Variants in PAK6 observed in about 807,000 individuals in gnomAD.
The protein encoded by PAK6 is serine/threonine-protein kinase PAK 6.
A neutral mutation model predicts 60.8 loss-of-function variants in PAK6; 33 were observed. That is an observed-to-expected ratio of 0.54 (90% CI 0.41 to 0.73). The LOEUF is 0.73. Ranked by LOEUF, PAK6 falls within the 30% of genes least tolerant of loss-of-function variation. The probability of loss-of-function intolerance (pLI) is 0.00; values close to 1 mark genes in which losing one functional copy is unlikely to be tolerated. For synonymous variants in PAK6, 404 were observed against 378.5 expected (o/e 1.07, Z -0.78); for missense variants, 845 against 904.1 (o/e 0.93, Z 0.84).
chr15:40,243,258 G>A (rs2038405895), intron 2 of PAK6, among the ~76,000 whole-genome samples: 1 of 152,208 alleles, frequency 6.6e-6, no homozygotes, highest in Non-Finnish European at 1.5e-5. Context: ...TGCAGGAGGA[G>A]GTGAAGGCTC....
At chr15:40,273,778 T>G in intron 9 of PAK6, 102 bp downstream of exon 9, 1 of 1,394,326 alleles carries the variant, frequency 7.2e-7, no homozygotes. Context: ...GCAGCCCTGG[T>G]TTTCAGAGTC....
chr15:40,248,480 C>T (rs2038559690), intron 2 of PAK6, among the ~76,000 whole-genome samples: 1 of 152,198 alleles, frequency 6.6e-6, no homozygotes, highest in Admixed American at 6.5e-5. Context: ...CACACGTGCC[C>T]CCACCTCCCC....
intron 5 of PAK6, 119 bp downstream of exon 5, chr15:40,266,614 G>A: frequency 1.9e-6 from 2 of 1,044,540 alleles, no homozygotes; most frequent in Non-Finnish European, 2.7e-6. Context: ...TTCCGCCTAA[G>A]GCGGCAGAAA....
At chr15:40,252,818 C>T (rs2038721073) in intron 2 of PAK6, 2 of 1,294,090 alleles carry the variant, frequency 1.5e-6, no homozygotes, top group Non-Finnish European at 2.0e-6. Context: ...GGGCCTTGGG[C>T]GCAGGCATCT....
At chr15:40,257,967 C>T (rs1199544663) in intron 3 of PAK6, among the ~76,000 whole-genome samples, 3 of 152,218 alleles carry the variant, frequency 2.0e-5, no homozygotes, top group African/African-American at 7.2e-5. Context: ...TCAGGCTGAG[C>T]CCCTACAGAG....
At chr15:40,274,690 T>C (rs2039400797) in intron 10 of PAK6, among the ~76,000 whole-genome samples, 1 of 152,236 alleles carries the variant, frequency 6.6e-6, no homozygotes, top group Admixed American at 6.5e-5. Flanking sequence ...GATGTCCCTG[T>C]CCATCACGGC....
At chr15:40,264,748 G>A (rs755390411) in intron 3 of PAK6, 33 bp from the exon 4 acceptor site, 50 of 1,598,598 alleles carry the variant, frequency 3.1e-5, no homozygotes, top group East Asian at 1.1e-4. Context: ...CCTCTTTCCC[G>A]GGAGGGAGCT....
chr15:40,263,871 C>T, intron 3 of PAK6: 1 of 455,650 alleles, frequency 2.2e-6, no homozygotes, highest in Non-Finnish European at 4.4e-6. Flanking sequence ...CCCGCCTCGG[C>T]CTCCCAGAGT....
At chr15:40,271,115 A>C (rs2039288794) in intron 5 of PAK6, among the ~76,000 whole-genome samples, 1 of 152,212 alleles carries the variant, frequency 6.6e-6, no homozygotes, top group African/African-American at 2.4e-5. Flanking sequence ...AGTTCCTAGA[A>C]GGCTTTTTCT....
At chr15:40,273,303 G>A (rs1158882703) in intron 7 of PAK6, 43 bp from the exon 8 acceptor site, 6 of 1,601,766 alleles carry the variant, frequency 3.7e-6, no homozygotes, top group Non-Finnish European at 5.1e-6. Context: ...ACCTGCCAGA[G>A]CTAACGTTCT....
At chr15:40,274,043 T>G in intron 9 of PAK6, 99 bp from the exon 10 acceptor site, 3 of 1,413,294 alleles carry the variant, frequency 2.1e-6, no homozygotes, top group Non-Finnish European at 3.0e-6. Context: ...CAAGGAGAGC[T>G]GGGGCCAGCT....
intron 3 of PAK6, among the ~76,000 whole-genome samples, chr15:40,261,038 A>T (rs768217863): frequency 6.6e-6 from 1 of 151,552 alleles, no homozygotes; most frequent in African/African-American, 2.4e-5. Flanking sequence ...ACAGGTGCCC[A>T]CCACCACACC....
chr15:40,264,973 A>C, exon 4 of PAK6: 1 of 1,613,326 alleles, frequency 6.2e-7, no homozygotes, highest in African/African-American at 1.3e-5. Context: ...ACACGGGTGC[A>C]GCTCCAGCCC....
chr15:40,249,662 G>A lies in PAK6; in HGVS notation c.-117-3516G>A, dbSNP rs529152459. Among the ~76,000 whole-genome samples, 13 of 152,360 alleles carry A rather than the reference G, an allele frequency of 8.5e-5. No homozygotes were observed. The South Asian group carries it at 2.7e-3, about 32-fold the overall frequency. On this transcript the variant is annotated intron_variant, in intron 2 of 10. Transcript: ENST00000560346. ...TCATGGAGCAGAAAGATGCAGGGAA[G>A]GGATAATGTGTTTGTCTTTCTAAAC...
At chr15:40,264,944 G>C (rs1018457926) in exon 4 of PAK6, 12 of 1,613,606 alleles carry the variant, frequency 7.4e-6, no homozygotes, top group Admixed American at 1.7e-5. Flanking sequence ...CCAAGCCCGT[G>C]GTGGACCCTT....
chr15:40,261,334 C>T (rs1349965519), intron 3 of PAK6, among the ~76,000 whole-genome samples: 3 of 151,358 alleles, frequency 2.0e-5, no homozygotes, highest in Admixed American at 6.6e-5. Context: ...GTCAAGAGAT[C>T]GAGACCATCC....
At chr15:40,273,402 A>G (rs1291799565) in exon 8 of PAK6, 9 of 1,613,806 alleles carry the variant, frequency 5.6e-6, no homozygotes, top group Non-Finnish European at 7.6e-6. Context: ...GCCCTGGCCT[A>G]CCTGCATGCT....
chr15:40,276,292 C>T (rs937912037), exon 11 of PAK6: 3 of 580,520 alleles, frequency 5.2e-6, no homozygotes, highest in African/African-American at 3.7e-5. Context: ...CCTCCCGAGT[C>T]CCCAGATGGA....
At chr15:40,252,496 C>T in intron 2 of PAK6, 1 of 1,363,508 alleles carries the variant, frequency 7.3e-7, no homozygotes, top group Non-Finnish European at 9.8e-7. Flanking sequence ...GGCAACTTCT[C>T]CCGCGCTCTG....
Sources: allele counts gnomAD v4.1 joint callset (sites outside exome capture counted in the v4.1 genomes callset), GRCh38; gene constraint gnomAD v4.1.1; transcripts MANE v1.5; gene names NCBI Gene and HGNC (gene_info 2026-07-23, HGNC 2026-07-21).